CSMD1: variants seen among roughly 807,000 people sequenced by gnomAD.
CSMD1 encodes CUB and sushi domain-containing protein 1.
CSMD1 carries 213 observed loss-of-function variants against 417.5 expected under a neutral mutation model. That is an observed-to-expected ratio of 0.51 (90% CI 0.46 to 0.57). CSMD1 has a LOEUF of 0.57. Among genes scored for constraint, CSMD1 ranks in the 20% least tolerant of loss-of-function variants. The pLI, the probability that CSMD1 is intolerant of heterozygous loss-of-function variation, is 0.00. For missense variants in CSMD1, 6,923 were observed against 4,529.7 expected (o/e 1.53, Z -15.17); for synonymous variants, 2,862 against 1,736.8 (o/e 1.65, Z -16.11).
chr8:4,802,099 G>C (rs1008359588), intron 1 of CSMD1, among the ~76,000 whole-genome samples: 3 of 152,192 alleles, frequency 2.0e-5, no homozygotes, highest in Admixed American at 2.0e-4. Flanking sequence ...AATATTAAGT[G>C]TCCACAGACA....
At chr8:4,614,306 A>G (rs1054919111) in intron 2 of CSMD1, among the ~76,000 whole-genome samples, 12 of 152,056 alleles carry the variant, frequency 7.9e-5, no homozygotes, top group Non-Finnish European at 1.0e-4. Flanking sequence ...AAAGGCCAAA[A>G]CTCTGTAGAA....
intron 3 of CSMD1, among the ~76,000 whole-genome samples, chr8:4,114,174 G>C (rs1483379601): frequency 2.0e-5 from 3 of 152,198 alleles, no homozygotes; most frequent in Non-Finnish European, 4.4e-5. Context: ...AGGACAGCCT[G>C]ACTCCTCTAT....
At chr8:3,176,782 C>CA in intron 37 of CSMD1, among the ~76,000 whole-genome samples, 1 of 146,236 alleles carries the variant, frequency 6.8e-6, no homozygotes, top group South Asian at 2.2e-4. Context: ...CTTTTTCTTT[C>CA]TTTTTTTTTT....
intron 21 of CSMD1, among the ~76,000 whole-genome samples, chr8:3,356,316 C>A (rs1054733947): frequency 6.6e-6 from 1 of 152,128 alleles, no homozygotes; most frequent in Non-Finnish European, 1.5e-5. Context: ...TTTGGATACA[C>A]AGAACTTAGG....
chr8:3,436,439 C>G (rs531936305), intron 12 of CSMD1, among the ~76,000 whole-genome samples: 1 of 152,134 alleles, frequency 6.6e-6, no homozygotes, highest in African/African-American at 2.4e-5. Flanking sequence ...TTGCTACTTA[C>G]GTAATCCCAG....
At chr8:3,901,159 A>G (rs533990534) in intron 5 of CSMD1, among the ~76,000 whole-genome samples, 1 of 152,218 alleles carries the variant, frequency 6.6e-6, no homozygotes, top group East Asian at 1.9e-4. Context: ...GAGAAATAGT[A>G]TATCCTCAGC....
intron 3 of CSMD1, among the ~76,000 whole-genome samples, chr8:4,209,278 C>T (rs1484728796): frequency 6.6e-6 from 1 of 152,180 alleles, no homozygotes; most frequent in Non-Finnish European, 1.5e-5. Flanking sequence ...CTCTTTCCTT[C>T]ATTTCACAGC....
intron 3 of CSMD1, among the ~76,000 whole-genome samples, chr8:4,286,658 AG>A (rs1285489174): frequency 6.6e-6 from 1 of 152,222 alleles, no homozygotes; most frequent in Non-Finnish European, 1.5e-5. Flanking sequence ...GAAAGGGGAT[AG>A]CAATCATACT....
At chr8:3,261,042 C>T (rs1039507700) in intron 26 of CSMD1, among the ~76,000 whole-genome samples, 4 of 151,978 alleles carry the variant, frequency 2.6e-5, no homozygotes, top group Admixed American at 1.3e-4. Context: ...GTAGAGGAAA[C>T]ACAGGTGAGA....
At chr8:3,881,932 T>C (rs1024056780) in intron 5 of CSMD1, among the ~76,000 whole-genome samples, 2 of 152,150 alleles carry the variant, frequency 1.3e-5, no homozygotes, top group African/African-American at 4.8e-5. Context: ...TTCTTTATAA[T>C]TCCACAGAGA....
At chr8:4,338,095 G>A (rs1275935025) in intron 3 of CSMD1, among the ~76,000 whole-genome samples, 1 of 152,078 alleles carries the variant, frequency 6.6e-6, no homozygotes, top group African/African-American at 2.4e-5. Flanking sequence ...ACTTTTATGT[G>A]TAACTTTGGT....
intron 3 of CSMD1, among the ~76,000 whole-genome samples, chr8:4,069,673 C>A (rs951070977): frequency 6.6e-6 from 1 of 152,142 alleles, no homozygotes; most frequent in Non-Finnish European, 1.5e-5. Context: ...GTTTCTCCGA[C>A]TGGATTGCAT....
chr8:3,097,740 G>C (rs994894517), intron 46 of CSMD1, among the ~76,000 whole-genome samples: 2 of 152,116 alleles, frequency 1.3e-5, no homozygotes, highest in Non-Finnish European at 2.9e-5. Flanking sequence ...TGAAATTGCA[G>C]AATGGAAAAC....
At chr8:4,080,584 T>A (rs374248512) in intron 3 of CSMD1, among the ~76,000 whole-genome samples, 1 of 152,230 alleles carries the variant, frequency 6.6e-6, no homozygotes, top group Non-Finnish European at 1.5e-5. Flanking sequence ...TATTTATGTA[T>A]GATGTCATAG....
intron 3 of CSMD1, among the ~76,000 whole-genome samples, chr8:4,199,374 T>C (rs1353997640): frequency 6.6e-6 from 1 of 152,146 alleles, no homozygotes; most frequent in African/African-American, 2.4e-5. Context: ...TTAATAAAGA[T>C]GCATAGTGTG....
At chr8:4,342,675 C>A (rs898607397) in intron 3 of CSMD1, among the ~76,000 whole-genome samples, 1 of 152,084 alleles carries the variant, frequency 6.6e-6, no homozygotes, top group Non-Finnish European at 1.5e-5. Flanking sequence ...CATGAACTGG[C>A]TGCCCAGCGA....
intron 3 of CSMD1, among the ~76,000 whole-genome samples, chr8:4,086,602 A>G (rs900693040): frequency 1.3e-4 from 20 of 152,204 alleles, no homozygotes; most frequent in African/African-American, 4.3e-4. Context: ...TTAACCTTGA[A>G]TAAAGTACAA....
chr8:3,894,667 T>G (rs1807235029), intron 5 of CSMD1, among the ~76,000 whole-genome samples: 1 of 151,948 alleles, frequency 6.6e-6, no homozygotes, highest in South Asian at 2.1e-4. Flanking sequence ...AACAAGAGAG[T>G]CTAATTGAAA....
intron 6 of CSMD1, among the ~76,000 whole-genome samples, chr8:3,746,662 C>A (rs1408447993): frequency 6.6e-6 from 1 of 152,090 alleles, no homozygotes; most frequent in Non-Finnish European, 1.5e-5. Flanking sequence ...TCTCTTGTTT[C>A]AACATTAGTA....
Sources: gnomAD v4.1 joint callset for allele counts (sites outside exome capture counted in the v4.1 genomes callset) on GRCh38, gnomAD v4.1.1 for gene constraint, MANE v1.5 for transcripts, NCBI Gene and HGNC (gene_info 2026-07-23, HGNC 2026-07-21) for gene names.